Variants in PTPRJ observed in about 807,000 individuals in gnomAD.
PTPRJ encodes the protein protein tyrosine phosphatase receptor type J, also known as receptor-type tyrosine-protein phosphatase eta.
Under a neutral mutation model 141.3 loss-of-function variants are expected in PTPRJ, and 129 were observed. That is an observed-to-expected ratio of 0.91 (90% confidence interval 0.79 to 1.06). PTPRJ has a LOEUF of 1.06. Among genes scored for constraint, PTPRJ ranks in the 50% least tolerant of loss-of-function variants. The probability of loss-of-function intolerance (pLI) is 0.00; values close to 1 mark genes in which losing one functional copy is unlikely to be tolerated. For synonymous variants in PTPRJ, 610 were observed against 640.5 expected (o/e 0.95, Z 0.72); for missense variants, 1,601 against 1,679.7 (o/e 0.95, Z 0.82).
intron 1 of PTPRJ, among the ~76,000 whole-genome samples, chr11:48,076,619 C>A (rs978624745): frequency 2.0e-5 from 3 of 152,154 alleles, no homozygotes; most frequent in African/African-American, 7.2e-5. Flanking sequence ...CTCAGACATA[C>A]TTGCCACTGA....
At chr11:48,065,150 G>A (rs1344118402) in intron 1 of PTPRJ, among the ~76,000 whole-genome samples, 4 of 151,500 alleles carry the variant, frequency 2.6e-5, no homozygotes, top group African/African-American at 9.7e-5. Context: ...GAGTAGCTGG[G>A]ACTACAGGCA....
intron 1 of PTPRJ, among the ~76,000 whole-genome samples, chr11:48,026,800 G>C (rs1480329900): frequency 6.6e-6 from 1 of 151,796 alleles, no homozygotes; most frequent in Non-Finnish European, 1.5e-5. Flanking sequence ...CCCATCACCT[G>C]AGCAGTATAC....
intron 1 of PTPRJ, among the ~76,000 whole-genome samples, chr11:48,019,889 T>C (rs2134210759): frequency 6.6e-6 from 1 of 152,340 alleles, no homozygotes; most frequent in South Asian, 2.1e-4. Context: ...TACCCTGTTA[T>C]ATTTGCTTTG....
chr11:48,130,520 A>G lies in PTPRJ; in HGVS notation c.1419A>G (p.Ala473=), dbSNP rs755956573. Residue 473 remains alanine (A), a synonymous_variant, in exon 8 of 25, where the codon GCA becomes GCG. Transcript: ENST00000418331. Reference sequence around the variant, plus strand: ...TCAGCACGACGGAGATCGGCTTAGCATGGAGCAGCCATGATGCAGAATCAT... The same window carrying G: ...TCAGCACGACGGAGATCGGCTTAGCGTGGAGCAGCCATGATGCAGAATCAT... ...TVVSTTEIGL[A]WSSHDAESFQ... The G allele has an allele frequency of 2.0e-5, 32 of 1,613,946 alleles. No individual in the cohort carries two copies. Among genetic ancestry groups the G allele is most frequent in the South Asian group, 7.7e-5 (7 of 91,070 alleles).
intron 1 of PTPRJ, among the ~76,000 whole-genome samples, chr11:48,103,829 C>G (rs1308917087): frequency 6.6e-6 from 1 of 152,214 alleles, no homozygotes; most frequent in Non-Finnish European, 1.5e-5. Context: ...GTCTCAAAGT[C>G]CACACAGCCT....
intron 4 of PTPRJ, among the ~76,000 whole-genome samples, chr11:48,122,222 A>G (rs1856724011): frequency 6.6e-6 from 1 of 152,206 alleles, no homozygotes; most frequent in South Asian, 2.1e-4. Flanking sequence ...GCTCTGTTAC[A>G]TTGTGAAAGA....
chr11:48,023,731 G>A (rs770668043), intron 1 of PTPRJ, among the ~76,000 whole-genome samples: 3 of 150,916 alleles, frequency 2.0e-5, no homozygotes, highest in South Asian at 2.1e-4. Flanking sequence ...GCAGTGAGCC[G>A]AGATCACACC....
At chr11:48,155,663 T>C in intron 19 of PTPRJ, 138 bp from the exon 20 acceptor site, 1 of 681,806 alleles carries the variant, frequency 1.5e-6, no homozygotes, top group Non-Finnish European at 2.5e-6. Flanking sequence ...GTGGTCTATA[T>C]GAAATGCCAC....
chr11:48,145,062 G>A lies in PTPRJ; in HGVS notation c.2849G>A (p.Gly950Glu). 1 of 1,614,170 alleles carries A rather than the reference G, an allele frequency of 6.2e-7. No homozygotes were observed. The highest frequency in any genetic ancestry group is 8.5e-7 in the Non-Finnish European group (1 of 1,180,016). Reference sequence around the variant, plus strand: ...CCTCAAAACAAGGGGCTCATTGATGGGGCTGAGAGCTATGTGTCCTTCAGT... The same window carrying A: ...CCTCAAAACAAGGGGCTCATTGATGAGGCTGAGAGCTATGTGTCCTTCAGT... ...FHPQNKGLIDGAESYVSFSRY... is the reference protein window; with the variant it reads ...FHPQNKGLIDEAESYVSFSRY... Residue 950 changes from glycine (G) to glutamate (E), a missense_variant, in exon 14 of 25, where the codon GGG becomes GAG. Transcript: ENST00000418331.
chr11:48,104,135 G>T (rs1256516159), intron 1 of PTPRJ, among the ~76,000 whole-genome samples: 2 of 152,222 alleles, frequency 1.3e-5, no homozygotes, highest in Non-Finnish European at 2.9e-5. Flanking sequence ...TTGGGGCACT[G>T]TTCACTGTGC....
At chr11:48,067,868 G>A (rs567153452) in intron 1 of PTPRJ, among the ~76,000 whole-genome samples, 4 of 152,280 alleles carry the variant, frequency 2.6e-5, no homozygotes, top group East Asian at 1.9e-4. Context: ...GGAGGCGTGC[G>A]CTCCAACACC....
chr11:48,088,647 G>T (rs1185768743), intron 1 of PTPRJ, among the ~76,000 whole-genome samples: 1 of 152,146 alleles, frequency 6.6e-6, no homozygotes, highest in Non-Finnish European at 1.5e-5. Flanking sequence ...ATCACCTGGG[G>T]ATTCCTGACT....
At chr11:48,084,820 C>T (rs927055707) in intron 1 of PTPRJ, among the ~76,000 whole-genome samples, 60 of 152,150 alleles carry the variant, frequency 3.9e-4, no homozygotes, top group African/African-American at 1.4e-3. Context: ...GAGGGGATTG[C>T]CTTTTTCAGG....
chr11:48,009,193 T>C (rs1466191512), intron 1 of PTPRJ, among the ~76,000 whole-genome samples: 1 of 152,218 alleles, frequency 6.6e-6, no homozygotes, highest in African/African-American at 2.4e-5. Context: ...AATTGTGGAC[T>C]ACTATGCAGT....
In PTPRJ at chr11:48,001,785, C is replaced by G. The variant is rs140723167; in HGVS notation, c.96+20777C>G. ...TTGAGAGTCAGAGTTCAAGCCTAGG[C>G]TGCTTGCTGCCAGAGTCAGAGTGTT... is the stretch of plus-strand genomic sequence containing the variant. On this transcript the variant is annotated intron_variant, in intron 1 of 24. Coordinates refer to ENST00000418331, the MANE Select transcript of PTPRJ (RefSeq NM_002843.4). 1.8e-4 allele frequency among the ~76,000 whole-genome samples: 27 copies of G among 152,338 alleles called. No homozygotes were observed. The East Asian group carries it at 3.9e-3, about 22-fold the overall frequency.
At chr11:48,114,771 T>A (rs948907321) in intron 3 of PTPRJ, among the ~76,000 whole-genome samples, 1 of 152,164 alleles carries the variant, frequency 6.6e-6, no homozygotes, top group Non-Finnish European at 1.5e-5. Context: ...TCAAAATACA[T>A]GTTTTAAGGA....
chr11:48,065,435 C>A (rs1463520738), intron 1 of PTPRJ, among the ~76,000 whole-genome samples: 1 of 152,162 alleles, frequency 6.6e-6, no homozygotes, highest in Non-Finnish European at 1.5e-5. Context: ...TTCATTCCCC[C>A]ACCTGGGGTA....
At chr11:47,996,334 CAAAAAA>C (rs1292092161) in intron 1 of PTPRJ, among the ~76,000 whole-genome samples, 1 of 56,214 alleles carries the variant, frequency 1.8e-5, no homozygotes, top group Admixed American at 1.9e-4. Context: ...GACTCTGTCT[CAAAAAA>C]AAAAAAAAAA....
intron 1 of PTPRJ, among the ~76,000 whole-genome samples, chr11:48,059,420 G>A (rs1487539350): frequency 6.6e-6 from 1 of 152,124 alleles, no homozygotes; most frequent in Admixed American, 6.6e-5. Context: ...ACTGCGCCTG[G>A]CTGCTCTGCT....
Sources: gnomAD v4.1 joint callset for allele counts (sites outside exome capture counted in the v4.1 genomes callset) on GRCh38, gnomAD v4.1.1 for gene constraint, MANE v1.5 for transcripts, NCBI Gene and HGNC (gene_info 2026-07-23, HGNC 2026-07-21) for gene names.